Variants in MAGI3 observed in about 807,000 individuals in gnomAD.
The protein encoded by MAGI3 is membrane associated guanylate kinase, WW and PDZ domain containing 3, also known as membrane-associated guanylate kinase, WW and PDZ domain-containing protein 3.
Under a neutral mutation model 121.8 loss-of-function variants are expected in MAGI3, and 43 were observed. The ratio of observed to expected loss-of-function variants is 0.35; its 90% CI spans 0.28 to 0.46. The LOEUF is 0.46. MAGI3 is among the 20% of genes least tolerant of loss of function. The pLI is 1.00. For missense variants in MAGI3, 1,547 were observed against 1,797.3 expected (o/e 0.86, Z 2.52); for synonymous variants, 553 against 639.3 (o/e 0.86, Z 2.04).
intron 5 of MAGI3, 80 bp from the exon 6 acceptor site, chr1:113,594,401 A>T: frequency 2.7e-6 from 3 of 1,092,464 alleles, no homozygotes; most frequent in South Asian, 1.4e-5. Context: ...CATGTCTTTT[A>T]GTCACTTTTA....
chr1:113,635,158 C>G (rs1202521035), intron 9 of MAGI3, among the ~76,000 whole-genome samples: 9 of 152,190 alleles, frequency 5.9e-5, no homozygotes, highest in Non-Finnish European at 1.3e-4. Context: ...GATATACAAT[C>G]ATGTCATCTG....
intron 3 of MAGI3, among the ~76,000 whole-genome samples, chr1:113,581,833 T>G (rs900717376): frequency 1.3e-5 from 2 of 152,194 alleles, no homozygotes; most frequent in Admixed American, 1.3e-4. Context: ...TCCTGTTTTA[T>G]TCATTAAACA....
intron 16 of MAGI3, among the ~76,000 whole-genome samples, chr1:113,661,059 C>G (rs1034220912): frequency 1.6e-4 from 24 of 152,120 alleles, no homozygotes; most frequent in African/African-American, 5.8e-4. Context: ...GCCACAGATA[C>G]CTATTAGCTA....
At chr1:113,465,203 T>G (rs967976691) in intron 1 of MAGI3, among the ~76,000 whole-genome samples, 18 of 152,172 alleles carry the variant, frequency 1.2e-4, no homozygotes, top group Non-Finnish European at 2.1e-4. Flanking sequence ...GTGGTATAGT[T>G]TCATTCTTCT....
intron 1 of MAGI3, among the ~76,000 whole-genome samples, chr1:113,453,792 C>G (rs1016789016): frequency 3.9e-5 from 6 of 152,158 alleles, no homozygotes; most frequent in Admixed American, 2.6e-4. Flanking sequence ...AACAATAATA[C>G]TTGGTGAAGT....
At chr1:113,649,433 C>T (rs1653034741) in intron 13 of MAGI3, 105 bp downstream of exon 13, 1 of 662,178 alleles carries the variant, frequency 1.5e-6, no homozygotes, top group African/African-American at 1.8e-5. Context: ...CTGACAGTTT[C>T]ATTAATATGA....
chr1:113,617,173 G>A (rs552853960), intron 7 of MAGI3, among the ~76,000 whole-genome samples: 1 of 152,142 alleles, frequency 6.6e-6, no homozygotes, highest in African/African-American at 2.4e-5. Flanking sequence ...CCAGGCGTGA[G>A]CTACCATGCC....
chr1:113,525,288 TAGG>T (rs879846942), intron 1 of MAGI3, among the ~76,000 whole-genome samples: 5 of 152,188 alleles, frequency 3.3e-5, no homozygotes, highest in Non-Finnish European at 5.9e-5. Flanking sequence ...TAAAAACGTC[TAGG>T]AACTAAACAA....
intron 1 of MAGI3, among the ~76,000 whole-genome samples, chr1:113,517,300 A>G (rs1253561080): frequency 1.3e-5 from 2 of 151,920 alleles, no homozygotes; most frequent in Non-Finnish European, 2.9e-5. Flanking sequence ...TTTTCTGTAA[A>G]TCTAAAACTT....
In MAGI3 at chr1:113,651,070, C is replaced by G; in HGVS notation, c.2304C>G (p.Arg768=). The change falls in exon 14 of 21, where the codon CGC becomes CGG. Residue 768 remains arginine, a synonymous_variant. Transcript: ENST00000307546. ...CAGCTGAGAAAGATGGTCGGCTCCG[C>G]GCAGCTGATGAACTAATGTGCATTG... ...LGAAEKDGRL[R]AADELMCIDG... The G allele has an allele frequency of 6.2e-7, 1 of 1,614,084 alleles. No homozygotes were observed. The highest frequency in any genetic ancestry group is 8.5e-7 in the Non-Finnish European group (1 of 1,180,000).
At chr1:113,659,479 G>A (rs1393407665) in intron 16 of MAGI3, among the ~76,000 whole-genome samples, 2 of 152,238 alleles carry the variant, frequency 1.3e-5, no homozygotes, top group African/African-American at 4.8e-5. Flanking sequence ...TCCAGCTAGT[G>A]AGTGTGGACC....
intron 1 of MAGI3, among the ~76,000 whole-genome samples, chr1:113,462,124 T>A (rs1655066836): frequency 6.6e-6 from 1 of 152,130 alleles, no homozygotes; most frequent in Non-Finnish European, 1.5e-5. Context: ...GAGTGTAAGT[T>A]AGTTCAAGCA....
chr1:113,390,951 C>T lies in MAGI3; in HGVS notation c.-83C>T, dbSNP rs543559383. 5.7e-5 allele frequency: 72 copies of T among 1,265,074 alleles called. No homozygotes were observed. In the East Asian group the frequency reaches 2.2e-3, roughly 38 times the overall value. The allele number at this position is 1,265,074 out of a possible 1,614,324, so 78.4% of individuals were successfully genotyped here. A position where few individuals can be genotyped will look rare whatever the true frequency, so the allele number is the denominator to read the frequency against. ...CCCTTACCGGGCTGCGCGGGCCGCC[C>T]AGGGCCCCCGGGCTGAGACGGGGCC... On this transcript the variant is annotated 5_prime_UTR_variant, in exon 1 of 21. Transcript: ENST00000307546.
chr1:113,412,079 GATCTCATGGTTCAGTTCCC>G, intron 1 of MAGI3, among the ~76,000 whole-genome samples: 1 of 133,358 alleles, frequency 7.5e-6, no homozygotes, highest in African/African-American at 2.9e-5. Context: ...GTATCCAAGT[GATCTCATGGTTCAGTTCCC>G]ACCTATGAGT....
At chr1:113,406,526 AAAAG>A (rs1343299058) in intron 1 of MAGI3, among the ~76,000 whole-genome samples, 2 of 152,008 alleles carry the variant, frequency 1.3e-5, no homozygotes, top group African/African-American at 2.4e-5. Context: ...AATGAAAAAA[AAAAG>A]AAAATAGATT....
At chr1:113,649,464 A>T in intron 13 of MAGI3, 136 bp downstream of exon 13, 1 of 577,880 alleles carries the variant, frequency 1.7e-6, no homozygotes, top group South Asian at 3.0e-5. Context: ...CATTTCCATT[A>T]TTATCATAGT....
At chr1:113,450,811 A>G in intron 1 of MAGI3, 1 of 744,724 alleles carries the variant, frequency 1.3e-6, no homozygotes, top group South Asian at 1.4e-5. Flanking sequence ...TTACTTTGAG[A>G]CAGTCCTCCC....
intron 9 of MAGI3, among the ~76,000 whole-genome samples, chr1:113,634,403 A>G (rs1651868597): frequency 6.6e-6 from 1 of 152,170 alleles, no homozygotes; most frequent in South Asian, 2.1e-4. Context: ...TCTTGAATTA[A>G]TTTTTGTATA....
At chr1:113,526,875 A>G (rs1457621072) in intron 1 of MAGI3, among the ~76,000 whole-genome samples, 2 of 152,202 alleles carry the variant, frequency 1.3e-5, no homozygotes, top group Non-Finnish European at 2.9e-5. Flanking sequence ...ATTAAGAAAA[A>G]GACTGTAGAG....
Sources: gnomAD v4.1 joint callset for allele counts (sites outside exome capture counted in the v4.1 genomes callset) on GRCh38, gnomAD v4.1.1 for gene constraint, MANE v1.5 for transcripts, NCBI Gene and HGNC (gene_info 2026-07-23, HGNC 2026-07-21) for gene names.